Variants in NSMCE2 observed in about 807,000 individuals in gnomAD.
NSMCE2 encodes the protein E3 SUMO-protein ligase NSE2.
A neutral mutation model predicts 23.8 loss-of-function variants in NSMCE2; 24 were observed. The ratio of observed to expected loss-of-function variants is 1.01; its 90% confidence interval spans 0.73 to 1.42. NSMCE2 has a LOEUF of 1.42. Among genes scored for constraint, NSMCE2 ranks in the 40% most tolerant of loss-of-function variants. The pLI is 0.00. For missense variants in NSMCE2, 284 were observed against 296.5 expected (o/e 0.96, Z 0.31); for synonymous variants, 92 against 94.1 (o/e 0.98, Z 0.13).
At chr8:125,204,852 A>G (rs1824047905) in intron 5 of NSMCE2, among the ~76,000 whole-genome samples, 1 of 152,016 alleles carries the variant, frequency 6.6e-6, no homozygotes, top group African/African-American at 2.4e-5. Flanking sequence ...AGCCTCCTAT[A>G]TGCTCCCAGC....
intron 5 of NSMCE2, among the ~76,000 whole-genome samples, chr8:125,352,455 G>A (rs944125236): frequency 4.2e-5 from 6 of 143,454 alleles, no homozygotes; most frequent in East Asian, 4.0e-4. Flanking sequence ...TAGCCTGGGC[G>A]ACAAGAGTGA....
At chr8:125,275,546 A>G (rs1827416996) in intron 5 of NSMCE2, among the ~76,000 whole-genome samples, 1 of 151,874 alleles carries the variant, frequency 6.6e-6, no homozygotes, top group Non-Finnish European at 1.5e-5. Context: ...ACTCATTTGT[A>G]TTTCCTCGTT....
intron 5 of NSMCE2, among the ~76,000 whole-genome samples, chr8:125,342,956 C>A (rs1165958261): frequency 1.3e-5 from 2 of 152,064 alleles, no homozygotes; most frequent in Non-Finnish European, 2.9e-5. Flanking sequence ...GGATTGAATA[C>A]CCTTTTGGGA....
chr8:125,245,458 A>AT (rs1384563504), intron 5 of NSMCE2, among the ~76,000 whole-genome samples: 9 of 152,324 alleles, frequency 5.9e-5, no homozygotes, highest in Non-Finnish European at 1.5e-5. Flanking sequence ...GTTAAAAATG[A>AT]TTCACAAGTT....
intron 5 of NSMCE2, among the ~76,000 whole-genome samples, chr8:125,275,558 G>C (rs2131105522): frequency 6.6e-6 from 1 of 152,104 alleles, no homozygotes; most frequent in Non-Finnish European, 1.5e-5. Context: ...TTCCTCGTTG[G>C]CTGCCCAGCC....
chr8:125,122,788 AT>A (rs1446160417), intron 3 of NSMCE2, among the ~76,000 whole-genome samples: 2 of 152,182 alleles, frequency 1.3e-5, no homozygotes, highest in East Asian at 3.9e-4. Context: ...ATACTTTAGC[AT>A]AAGGTATTCT....
At chr8:125,178,686 C>T (rs971800893) in intron 4 of NSMCE2, among the ~76,000 whole-genome samples, 4 of 151,964 alleles carry the variant, frequency 2.6e-5, no homozygotes, top group Admixed American at 6.6e-5. Flanking sequence ...CTGGCTAACA[C>T]GGTGAAACCC....
intron 5 of NSMCE2, among the ~76,000 whole-genome samples, chr8:125,249,980 T>C (rs1826136427): frequency 6.6e-6 from 1 of 152,140 alleles, no homozygotes; most frequent in Non-Finnish European, 1.5e-5. Context: ...ATTATTTATT[T>C]GTTTACTTAT....
At chr8:125,163,432 G>T (rs1390822330) in intron 4 of NSMCE2, among the ~76,000 whole-genome samples, 3 of 152,146 alleles carry the variant, frequency 2.0e-5, no homozygotes, top group African/African-American at 7.2e-5. Flanking sequence ...ATGTCCAGCT[G>T]GGAAATAAAG....
intron 5 of NSMCE2, among the ~76,000 whole-genome samples, chr8:125,303,221 G>A (rs997450661): frequency 6.6e-6 from 1 of 152,286 alleles, no homozygotes; most frequent in South Asian, 2.1e-4. Flanking sequence ...TTTGACTCAG[G>A]AGAGCCTGTG....
chr8:125,102,901 C>T (rs548919547), intron 3 of NSMCE2, among the ~76,000 whole-genome samples: 1 of 152,234 alleles, frequency 6.6e-6, no homozygotes, highest in Non-Finnish European at 1.5e-5. Context: ...AAAGGAAGGC[C>T]TCAACAAAAA....
chr8:125,105,003 A>G (rs887807627), intron 3 of NSMCE2, among the ~76,000 whole-genome samples: 19 of 152,184 alleles, frequency 1.2e-4, no homozygotes, highest in African/African-American at 3.9e-4. Flanking sequence ...AGCCTGGGGA[A>G]GAGAGTGAGA....
intron 5 of NSMCE2, among the ~76,000 whole-genome samples, chr8:125,315,714 A>G (rs1829150642): frequency 6.6e-6 from 1 of 152,200 alleles, no homozygotes; most frequent in Admixed American, 6.5e-5. Flanking sequence ...GTACAGAGAA[A>G]GAGTATGACT....
chr8:125,272,270 T>C (rs890051275), intron 5 of NSMCE2, among the ~76,000 whole-genome samples: 3 of 151,998 alleles, frequency 2.0e-5, no homozygotes, highest in Non-Finnish European at 4.4e-5. Flanking sequence ...CGCCTCAGCC[T>C]CCCAAAGTGC....
chr8:125,240,991 G>A (rs1825745490), intron 5 of NSMCE2, among the ~76,000 whole-genome samples: 1 of 152,120 alleles, frequency 6.6e-6, no homozygotes, highest in East Asian at 1.9e-4. Flanking sequence ...TACAGGTTGA[G>A]TATCCCTTAT....
At chr8:125,362,929 C>A (rs1442155002) in intron 7 of NSMCE2, 1 of 152,158 alleles carries the variant, frequency 6.6e-6, no homozygotes, top group Non-Finnish European at 1.5e-5. Context: ...ACCATGATGT[C>A]ATCAGGAAGT....
chr8:125,321,828 A>G (rs1829470603), intron 5 of NSMCE2, among the ~76,000 whole-genome samples: 1 of 152,176 alleles, frequency 6.6e-6, no homozygotes, highest in African/African-American at 2.4e-5. Context: ...AATCCCAGAC[A>G]TGATAGTCAG....
At chr8:125,293,973 T>G (rs73336833) in intron 5 of NSMCE2, among the ~76,000 whole-genome samples, 5,197 of 152,226 alleles carry the variant, frequency 0.034, 297 homozygotes, top group African/African-American at 0.12. Flanking sequence ...CTTCCTATTT[T>G]CTCCCAAGTT....
intron 5 of NSMCE2, among the ~76,000 whole-genome samples, chr8:125,223,062 A>T (rs1367404812): frequency 6.6e-6 from 1 of 151,672 alleles, no homozygotes; most frequent in Non-Finnish European, 1.5e-5. Context: ...ACCCTGTCTC[A>T]AAAATAAAAT....
Sources: allele counts gnomAD v4.1 joint callset (sites outside exome capture counted in the v4.1 genomes callset), GRCh38; gene constraint gnomAD v4.1.1; transcripts MANE v1.5; gene names NCBI Gene and HGNC (gene_info 2026-07-23, HGNC 2026-07-21).